RAD21: variants seen among roughly 807,000 people sequenced by gnomAD.
RAD21 encodes the protein double-strand-break repair protein rad21 homolog.
A neutral mutation model predicts 71.5 loss-of-function variants in RAD21; 18 were observed. That is an observed-to-expected ratio of 0.25 (90% confidence interval 0.17 to 0.37). RAD21 has a LOEUF of 0.37. Ranked by LOEUF, RAD21 falls within the 10% of genes least tolerant of loss-of-function variation. The pLI is 1.00. For synonymous variants in RAD21, 248 were observed against 254.0 expected (o/e 0.98, Z 0.22); for missense variants, 493 against 769.1 (o/e 0.64, Z 4.25).
At chr8:116,869,042 C>T (rs1464354811) in intron 1 of RAD21, among the ~76,000 whole-genome samples, 5 of 152,038 alleles carry the variant, frequency 3.3e-5, no homozygotes, top group African/African-American at 1.2e-4. Context: ...CAGAGGGGAA[C>T]CTTCAGTACC....
At chr8:116,858,490 C>A in intron 4 of RAD21, 32 bp from the exon 5 acceptor site, 1 of 1,546,850 alleles carries the variant, frequency 6.5e-7, no homozygotes, top group Non-Finnish European at 8.9e-7. Flanking sequence ...ATTTTAGTTT[C>A]AAGTCTATGT....
At chr8:116,857,495 ATTAGT>A (rs1812493925) in intron 5 of RAD21, 22 bp from the exon 6 acceptor site, 1 of 1,584,208 alleles carries the variant, frequency 6.3e-7, no homozygotes, top group Non-Finnish European at 8.7e-7. Flanking sequence ...TTAATTTGTC[ATTAGT>A]TTAGAAAGAT....
At chr8:116,853,703 G>A (rs1001887755) in intron 9 of RAD21, among the ~76,000 whole-genome samples, 1 of 152,084 alleles carries the variant, frequency 6.6e-6, no homozygotes, top group African/African-American at 2.4e-5. Context: ...AAATCAATAG[G>A]TTCTGTGCAT....
chr8:116,848,954 C>T lies in RAD21; in HGVS notation c.1696G>A (p.Gly566Ser). ...WNKRTQQMLH[G>S]LQRALAKTGA... ...GACAACAGCGGCAATACCTGAAGACCATGAAGCATCTGCTGAGTCCTTTTG... is the reference window on the plus strand; with the variant it reads ...GACAACAGCGGCAATACCTGAAGACTATGAAGCATCTGCTGAGTCCTTTTG... Residue 566 changes from glycine to serine, a missense_variant, in exon 13 of 14, where the codon GGT becomes AGT. Physicochemically the swap from Gly to Ser is moderately conservative, Grantham distance 56 (BLOSUM62 0). This residue lies in a region of RAD21 where 225 missense variants were observed against 218.3 expected (regional missense o/e 1.03). Transcript: ENST00000297338. 2 of 1,607,668 alleles carry T rather than the reference C, an allele frequency of 1.2e-6. No individual in the cohort carries two copies. The highest frequency in any genetic ancestry group is 1.7e-6 in the Non-Finnish European group (2 of 1,176,836).
rs775507519 is a variant in RAD21, at chr8:116,850,642, TTCCTTCTCTTTC to T, written c.1584_1595del (p.Lys531_Glu534del). ...CCTCTTCCTCTTCATCATCTTCTTT[TTCCTTCTCTTTC>T]TCCTTCTCTTTTTCTGGCAGAAGTT... On this transcript the variant is annotated inframe_deletion, in exon 12 of 14. Coordinates refer to ENST00000297338, the MANE Select transcript of RAD21 (RefSeq NM_006265.3). 13 of 1,609,428 alleles carry T rather than the reference TTCCTTCTCTTTC, an allele frequency of 8.1e-6. No homozygotes were observed. Among genetic ancestry groups the T allele is most frequent in the South Asian group, 2.2e-5 (2 of 90,916 alleles).
chr8:116,850,205 C>CA (rs774596370), intron 12 of RAD21, among the ~76,000 whole-genome samples: 94 of 152,214 alleles, frequency 6.2e-4, no homozygotes, highest in African/African-American at 2.2e-3. Flanking sequence ...AAAAGAAAAA[C>CA]AAAAACAAAA....
At chr8:116,854,214 T>C in intron 9 of RAD21, 31 bp downstream of exon 9, 2 of 1,497,906 alleles carry the variant, frequency 1.3e-6, no homozygotes, top group Non-Finnish European at 1.8e-6. Flanking sequence ...TCAAAATGTA[T>C]ATGAAGTAAA....
Position 116,858,225 on chromosome 8 carries a change from T to C in RAD21, c.481+127A>G, listed in dbSNP as rs935646163. 32 of 692,788 alleles carry C rather than the reference T, an allele frequency of 4.6e-5. No individual in the cohort carries two copies. The African/African-American group carries it at 5.4e-4, about 12-fold the overall frequency. The allele number at this position is 692,788 out of a possible 1,614,324, so 42.9% of individuals were successfully genotyped here. On this transcript the variant is annotated intron_variant, in intron 5 of 13. Transcript: ENST00000297338. ...CTACTGGTAGAAAGCCAAATTCTTT[T>C]CTTGATGAAAATGCATTACATGAAA...
At chr8:116,861,052 A>T (rs1204046836) in intron 4 of RAD21, among the ~76,000 whole-genome samples, 1 of 152,226 alleles carries the variant, frequency 6.6e-6, no homozygotes, top group East Asian at 1.9e-4. Flanking sequence ...ATAATAAAAA[A>T]TTTTCAAATA....
At chr8:116,860,030 T>C (rs1812556357) in intron 4 of RAD21, among the ~76,000 whole-genome samples, 1 of 152,286 alleles carries the variant, frequency 6.6e-6, no homozygotes, top group African/African-American at 2.4e-5. Context: ...AAATTAACAT[T>C]AACCCTGATG....
intron 4 of RAD21, 148 bp downstream of exon 4, chr8:116,861,693 T>A: frequency 2.3e-6 from 1 of 440,766 alleles, no homozygotes; most frequent in African/African-American, 2.0e-5. Context: ...GGTTTTATGT[T>A]CCATATTTAT....
intron 1 of RAD21, among the ~76,000 whole-genome samples, chr8:116,870,166 G>GA (rs965021912): frequency 2.6e-5 from 4 of 151,740 alleles, no homozygotes; most frequent in Non-Finnish European, 2.9e-5. Context: ...TTCCTCAAAA[G>GA]AAAAAAAACC....
chr8:116,853,476 C>A (rs1040133308), intron 9 of RAD21, among the ~76,000 whole-genome samples: 4 of 151,998 alleles, frequency 2.6e-5, no homozygotes, highest in Admixed American at 1.3e-4. Context: ...CTGTAAAGAA[C>A]AATGTAATCA....
At chr8:116,856,488 A>G (rs1812469671) in intron 7 of RAD21, among the ~76,000 whole-genome samples, 158 bp downstream of exon 7, 1 of 152,178 alleles carries the variant, frequency 6.6e-6, no homozygotes, top group South Asian at 2.1e-4. Flanking sequence ...GGGGTGCAAG[A>G]TTAAACATAG....
intron 1 of RAD21, chr8:116,867,008 G>A (rs1449702145): frequency 4.0e-6 from 1 of 252,300 alleles, no homozygotes; most frequent in African/African-American, 2.2e-5. Flanking sequence ...GAGTCAAATT[G>A]CTTTCATGCC....
intron 4 of RAD21, 151 bp from the exon 5 acceptor site, chr8:116,858,609 G>A (rs1364188496): frequency 1.2e-5 from 6 of 514,068 alleles, no homozygotes; most frequent in Non-Finnish European, 3.4e-6. Flanking sequence ...ACACATTCCA[G>A]TACAATCCAA....
At chr8:116,866,471 T>C in intron 2 of RAD21, 115 bp downstream of exon 2, 1 of 864,956 alleles carries the variant, frequency 1.2e-6, no homozygotes, top group Non-Finnish European at 1.7e-6. Flanking sequence ...GAAACATTTC[T>C]AAGGATTTTC....
Position 116,857,273 on chromosome 8 carries a change from T to C in RAD21, c.682A>G (p.Ile228Val). 1 of 1,603,268 alleles carries C rather than the reference T, an allele frequency of 6.2e-7. No homozygotes were observed. The highest frequency in any genetic ancestry group is 1.1e-5 in the South Asian group (1 of 90,796). Residue 228 changes from isoleucine (I) to valine (V), a missense_variant, in exon 6 of 14, where the codon ATA becomes GTA. Physicochemically the swap from Ile to Val is conservative, Grantham distance 29. Transcript: ENST00000297338. ...DNFGEGNDGG[I>V]LDDKLISNND... ...AACCATCATTCCCACATACCTAATA[T>C]TCCACCATCATTTCCTTCTCCAAAA... is the stretch of plus-strand genomic sequence containing the variant.
At chr8:116,872,435 C>T (rs888719271) in intron 1 of RAD21, among the ~76,000 whole-genome samples, 1 of 152,046 alleles carries the variant, frequency 6.6e-6, no homozygotes, top group Admixed American at 6.5e-5. Flanking sequence ...CTTAAAATAC[C>T]TGTGGCGTAC....
Sources: gnomAD v4.1 joint callset for allele counts (sites outside exome capture counted in the v4.1 genomes callset) on GRCh38, gnomAD v4.1.1 for gene constraint, gnomAD v4.1.1 regional missense constraint, MANE v1.5 for transcripts, NCBI Gene and HGNC (gene_info 2026-07-23, HGNC 2026-07-21) for gene names.